SSBP3: variants seen among roughly 807,000 people sequenced by gnomAD.
SSBP3 encodes single-stranded DNA-binding protein 3.
SSBP3 carries 5 observed loss-of-function variants against 69.6 expected under a neutral mutation model. The ratio of observed to expected loss-of-function variants is 0.07; its 90% CI spans 0.04 to 0.15. The LOEUF (loss-of-function observed/expected upper bound fraction) is 0.15. Ranked by LOEUF, SSBP3 falls within the 10% of genes least tolerant of loss-of-function variation. The pLI is 1.00. For synonymous variants in SSBP3, 196 were observed against 193.4 expected (o/e 1.01, Z -0.11); for missense variants, 312 against 534.0 (o/e 0.58, Z 4.10).
At chr1:54,264,292 C>T (rs548981970) in intron 5 of SSBP3, among the ~76,000 whole-genome samples, 4 of 152,194 alleles carry the variant, frequency 2.6e-5, no homozygotes, top group Non-Finnish European at 5.9e-5. Context: ...ACGGTGAGAC[C>T]TGCCTAAAAA....
chr1:54,263,418 C>T (rs555270319), intron 5 of SSBP3, among the ~76,000 whole-genome samples: 65 of 152,288 alleles, frequency 4.3e-4, no homozygotes, highest in Admixed American at 3.9e-3. Context: ...AGTCCAGTTT[C>T]CCAACGGCTC....
At chr1:54,331,989 C>T (rs996961640) in intron 4 of SSBP3, among the ~76,000 whole-genome samples, 4 of 152,190 alleles carry the variant, frequency 2.6e-5, no homozygotes, top group South Asian at 2.1e-4. Context: ...AGCCACAGAC[C>T]TGTGCAGGGC....
intron 14 of SSBP3, chr1:54,237,471 G>A (rs1644517788): frequency 6.6e-6 from 1 of 152,178 alleles, no homozygotes; most frequent in Admixed American, 6.5e-5. Flanking sequence ...ATATGCCTCA[G>A]ACTTGAGAGA....
chr1:54,305,409 AC>A, intron 4 of SSBP3, among the ~76,000 whole-genome samples: 1 of 152,258 alleles, frequency 6.6e-6, no homozygotes, highest in Non-Finnish European at 1.5e-5. Context: ...CTGAGGAAAT[AC>A]CAACTTAGAT....
chr1:54,372,300 C>T (rs1647148400), intron 4 of SSBP3, among the ~76,000 whole-genome samples: 1 of 152,198 alleles, frequency 6.6e-6, no homozygotes, highest in East Asian at 1.9e-4. Flanking sequence ...AGACTGAGAG[C>T]CCAATAAATG....
intron 4 of SSBP3, among the ~76,000 whole-genome samples, chr1:54,339,831 T>C (rs1371676512): frequency 1.3e-5 from 2 of 152,110 alleles, no homozygotes; most frequent in East Asian, 1.9e-4. Context: ...GGAGAATTGC[T>C]TGAACCAAAG....
intron 4 of SSBP3, among the ~76,000 whole-genome samples, chr1:54,345,163 C>T (rs1045003492): frequency 1.3e-5 from 2 of 152,154 alleles, no homozygotes; most frequent in Non-Finnish European, 1.5e-5. Flanking sequence ...TCTCTCTGCT[C>T]GGATGGGAAA....
intron 4 of SSBP3, among the ~76,000 whole-genome samples, chr1:54,388,221 A>G (rs1021668234): frequency 6.6e-6 from 1 of 152,142 alleles, no homozygotes; most frequent in African/African-American, 2.4e-5. Flanking sequence ...CCCATCTCCC[A>G]AAGTCATCCA....
chr1:54,386,367 C>A (rs140981417), intron 4 of SSBP3, among the ~76,000 whole-genome samples: 124 of 152,334 alleles, frequency 8.1e-4, no homozygotes, highest in African/African-American at 2.9e-3. Flanking sequence ...GCCCCACGGG[C>A]ACAGCACCTT....
At chr1:54,297,179 A>G (rs1397455671) in intron 4 of SSBP3, among the ~76,000 whole-genome samples, 3 of 152,236 alleles carry the variant, frequency 2.0e-5, no homozygotes, top group African/African-American at 7.2e-5. Flanking sequence ...AATGGAAGGG[A>G]AAGACCTTAA....
At chr1:54,248,465 C>A (rs1319587569) in intron 9 of SSBP3, among the ~76,000 whole-genome samples, 1 of 152,172 alleles carries the variant, frequency 6.6e-6, no homozygotes, top group Non-Finnish European at 1.5e-5. Flanking sequence ...GACTGGAGGC[C>A]CAGCCAGGCT....
chr1:54,396,100 G>A (rs578134194), intron 4 of SSBP3, among the ~76,000 whole-genome samples: 1 of 148,754 alleles, frequency 6.7e-6, no homozygotes, highest in African/African-American at 2.5e-5. Context: ...GCTGAGGCAG[G>A]AGAATCACTT....
upstream of SSBP3, among the ~76,000 whole-genome samples, chr1:54,407,477 A>G (rs373151736): frequency 4.6e-5 from 7 of 151,970 alleles, no homozygotes; most frequent in Non-Finnish European, 7.4e-5. Context: ...TGACCCAGCT[A>G]TTTGCTGCTG....
intron 4 of SSBP3, among the ~76,000 whole-genome samples, chr1:54,284,005 G>A (rs1350721152): frequency 3.9e-5 from 6 of 152,090 alleles, no homozygotes; most frequent in African/African-American, 1.2e-4. Context: ...TTAAAAATGG[G>A]GTAAGGTAAA....
chr1:54,407,157 G>T (rs944969318), upstream of SSBP3, among the ~76,000 whole-genome samples: 1 of 152,170 alleles, frequency 6.6e-6, no homozygotes, highest in Non-Finnish European at 1.5e-5. Flanking sequence ...GGAGCCGGGG[G>T]GGAGGGGGGC....
At chr1:54,304,155 A>G (rs1220168852) in intron 4 of SSBP3, among the ~76,000 whole-genome samples, 1 of 152,224 alleles carries the variant, frequency 6.6e-6, no homozygotes, top group Non-Finnish European at 1.5e-5. Flanking sequence ...AGTTCTGAAC[A>G]CAACTGGGGA....
At chr1:54,406,537 C>A (rs1485889664), upstream of SSBP3, 1 of 152,014 alleles carries the variant, frequency 6.6e-6, no homozygotes, top group African/African-American at 2.4e-5. Context: ...ACAGCGCCGG[C>A]CGCGGCAGTC....
chr1:54,268,400 C>T lies in SSBP3; in HGVS notation c.367-10251G>A, dbSNP rs114989458. ...ATTAAGAAGGCACTGCCTCATCCACCCAGAGAATTCCTGCTCCACTTTTAA... is the reference window on the plus strand; with the variant it reads ...ATTAAGAAGGCACTGCCTCATCCACTCAGAGAATTCCTGCTCCACTTTTAA... On this transcript the variant is annotated intron_variant, in intron 5 of 17. Transcript: ENST00000610401. Among the ~76,000 whole-genome samples the T allele has an allele frequency of 5.0e-3, 764 of 152,344 alleles. 3 individuals carry two copies. Among genetic ancestry groups the T allele is most frequent in the Admixed American group, 7.1e-3 (109 of 15,310 alleles).
intron 10 of SSBP3, 100 bp from the exon 11 acceptor site, chr1:54,242,312 G>T: frequency 1.4e-6 from 2 of 1,410,836 alleles, no homozygotes; most frequent in Admixed American, 3.4e-5. Context: ...AATCACAACA[G>T]GAAGTCCTTC....
Sources: gnomAD v4.1 joint callset for allele counts (sites outside exome capture counted in the v4.1 genomes callset) on GRCh38, gnomAD v4.1.1 for gene constraint, MANE v1.5 for transcripts, NCBI Gene and HGNC (gene_info 2026-07-23, HGNC 2026-07-21) for gene names.